Variants in TCF12 observed in about 807,000 individuals in gnomAD.
TCF12 encodes DNA-binding protein HTF4.
In TCF12, 45 loss-of-function variants were observed where a neutral mutation model predicts 86.0. That is an observed-to-expected ratio of 0.52 (90% CI 0.41 to 0.67). The LOEUF (loss-of-function observed/expected upper bound fraction) is 0.67. TCF12 is among the 30% of genes least tolerant of loss of function. The pLI, the probability that TCF12 is intolerant of heterozygous loss-of-function variation, is 0.00. For missense variants in TCF12, 881 were observed against 859.9 expected, an observed-to-expected ratio of 1.02 and a Z score of -0.31; for synonymous variants, 330 against 299.6, an observed-to-expected ratio of 1.10 and a Z score of -1.05.
chr15:57,008,181 T>G (rs2064587115), intron 3 of TCF12, among the ~76,000 whole-genome samples: 1 of 151,154 alleles, frequency 6.6e-6, no homozygotes, highest in African/African-American at 2.4e-5. Flanking sequence ...TTGCCCAGAC[T>G]GGTTGTGTAC....
At chr15:57,098,271 A>G (rs2049480028) in intron 5 of TCF12, among the ~76,000 whole-genome samples, 1 of 152,066 alleles carries the variant, frequency 6.6e-6, no homozygotes, top group African/African-American at 2.4e-5. Flanking sequence ...GTCCCTTTCC[A>G]CTACGTTGCT....
intron 19 of TCF12, chr15:57,281,726 C>T (rs1027345994): frequency 1.3e-5 from 2 of 152,426 alleles, no homozygotes; most frequent in Non-Finnish European, 2.9e-5. Context: ...GTCATTCTGT[C>T]CCATCACCCC....
chr15:56,926,947 A>T (rs1260097497), intron 3 of TCF12, among the ~76,000 whole-genome samples: 1 of 152,178 alleles, frequency 6.6e-6, no homozygotes, highest in African/African-American at 2.4e-5. Flanking sequence ...TAAAATAAGG[A>T]AGGCATTTAT....
intron 5 of TCF12, among the ~76,000 whole-genome samples, chr15:57,154,995 C>CA (rs1287549636): frequency 6.6e-6 from 1 of 152,124 alleles, no homozygotes; most frequent in Admixed American, 6.5e-5. Context: ...TTTATCCTCA[C>CA]AAAAAACCCA....
intron 5 of TCF12, among the ~76,000 whole-genome samples, chr15:57,127,013 T>TG (rs2051708496): frequency 6.6e-6 from 1 of 150,520 alleles, no homozygotes; most frequent in African/African-American, 2.4e-5. Flanking sequence ...GAGAGAGTCT[T>TG]GCTCTGTTGC....
intron 5 of TCF12, among the ~76,000 whole-genome samples, chr15:57,100,323 G>A (rs137905293): frequency 3.7e-4 from 56 of 152,236 alleles, no homozygotes; most frequent in African/African-American, 1.2e-3. Context: ...ACCATAGCAC[G>A]CAGTTGAGAA....
chr15:57,173,599 A>G (rs1033878400), intron 6 of TCF12, among the ~76,000 whole-genome samples: 8 of 152,160 alleles, frequency 5.3e-5, no homozygotes, highest in African/African-American at 1.9e-4. Context: ...AATATAATAA[A>G]TATTATAACT....
intron 19 of TCF12, among the ~76,000 whole-genome samples, chr15:57,275,972 T>C (rs571915723): frequency 2.4e-4 from 37 of 152,314 alleles, no homozygotes; most frequent in African/African-American, 8.9e-4. Context: ...TTTTCCATTA[T>C]CATGACTACA....
intron 3 of TCF12, among the ~76,000 whole-genome samples, chr15:57,024,123 G>T (rs1231909236): frequency 1.3e-5 from 2 of 151,126 alleles, no homozygotes; most frequent in Non-Finnish European, 2.9e-5. Flanking sequence ...AAAGAAGCAA[G>T]ACAAATAACT....
chr15:57,026,493 C>T (rs532664770), intron 3 of TCF12, among the ~76,000 whole-genome samples: 12 of 152,208 alleles, frequency 7.9e-5, no homozygotes, highest in African/African-American at 2.9e-4. Flanking sequence ...TGACTTCTGC[C>T]AACTTTTCTC....
At chr15:57,113,778 TAAAAAAA>T (rs34582402) in intron 5 of TCF12, among the ~76,000 whole-genome samples, 3 of 95,796 alleles carry the variant, frequency 3.1e-5, no homozygotes, top group East Asian at 3.3e-4. Flanking sequence ...CGTCTCTACT[TAAAAAAA>T]AAAAAAAAAA....
At chr15:56,939,107 T>G (rs1291271793) in intron 3 of TCF12, among the ~76,000 whole-genome samples, 1 of 152,236 alleles carries the variant, frequency 6.6e-6, no homozygotes, top group Non-Finnish European at 1.5e-5. Context: ...TTTGCCATTC[T>G]TGTGCGGTTT....
intron 3 of TCF12, among the ~76,000 whole-genome samples, chr15:57,060,453 G>T (rs997202806): frequency 2.0e-5 from 3 of 152,122 alleles, no homozygotes; most frequent in Non-Finnish European, 4.4e-5. Context: ...ACGTCTTTCT[G>T]TTATTGATCA....
At chr15:57,278,809 C>A (rs2061541674) in intron 19 of TCF12, 1 of 149,376 alleles carries the variant, frequency 6.7e-6, no homozygotes, top group Admixed American at 6.7e-5. Context: ...GTCCCTGTCT[C>A]TCCTTTTCTT....
In TCF12 at chr15:57,260,313, A is replaced by G. The variant is rs189602483; in HGVS notation, c.1468-1781A>G. ...CTTTAAAAAAATCAAATAATTATTT[A>G]TACTGATGAAGTAAAAGGAAATCAG... On this transcript the variant is annotated intron_variant, in intron 16 of 20. Coordinates refer to ENST00000333725, the MANE Select transcript of TCF12 (RefSeq NM_207037.2). Among the ~76,000 whole-genome samples the G allele has an allele frequency of 3.3e-4, 50 of 152,334 alleles. No individual in the cohort carries two copies. The East Asian group carries it at 8.3e-3, about 25-fold the overall frequency.
chr15:57,166,013 A>G (rs1182822764), intron 5 of TCF12, among the ~76,000 whole-genome samples: 2 of 151,842 alleles, frequency 1.3e-5, no homozygotes, highest in Non-Finnish European at 2.9e-5. Context: ...TTTACATGCT[A>G]CTTTATATAG....
intron 3 of TCF12, among the ~76,000 whole-genome samples, chr15:57,027,703 A>G (rs932336041): frequency 6.6e-6 from 1 of 152,014 alleles, no homozygotes; most frequent in African/African-American, 2.4e-5. Context: ...TCCCCACCCA[A>G]ATCTCATCTT....
In TCF12 at chr15:57,192,139, C is replaced by G. The variant is rs1186837033; in HGVS notation, c.391-19C>G. Reference sequence around the variant, plus strand: ...GTATCAGCAGGAAAATAACTTGTTTCCTTGGCCTTATTTTATAGTCTAGTC... The same window carrying G: ...GTATCAGCAGGAAAATAACTTGTTTGCTTGGCCTTATTTTATAGTCTAGTC... On this transcript the variant is annotated intron_variant, in intron 6 of 20. Transcript: ENST00000333725. 6.2e-7 allele frequency: 1 copy of G among 1,611,296 alleles called. No individual in the cohort carries two copies. Among genetic ancestry groups the G allele is most frequent in the African/African-American group, 1.3e-5 (1 of 74,780 alleles).
intron 5 of TCF12, among the ~76,000 whole-genome samples, chr15:57,118,073 G>A (rs1201784128): frequency 1.3e-5 from 2 of 152,154 alleles, no homozygotes; most frequent in African/African-American, 2.4e-5. Context: ...TGGCTCTGCA[G>A]TGTCTAGGAT....
Sources: gnomAD v4.1 joint callset for allele counts (sites outside exome capture counted in the v4.1 genomes callset) on GRCh38, gnomAD v4.1.1 for gene constraint, MANE v1.5 for transcripts, NCBI Gene and HGNC (gene_info 2026-07-23, HGNC 2026-07-21) for gene names.